ISY1: variants seen among roughly 807,000 people sequenced by gnomAD.
ISY1 encodes ISY1 spliceosome associated protein, also known as pre-mRNA-splicing factor ISY1 homolog.
Under a neutral mutation model 54.4 loss-of-function variants are expected in ISY1, and 12 were observed. The observed-to-expected ratio is 0.22, with a 90% CI of 0.14 to 0.36. The LOEUF (loss-of-function observed/expected upper bound fraction) is 0.36, where lower values mean the gene tolerates loss of function less well. Among genes scored for constraint, ISY1 ranks in the 10% least tolerant of loss-of-function variants. The pLI is 1.00. For missense variants in ISY1, 282 were observed against 342.2 expected (o/e 0.82, Z 1.39); for synonymous variants, 96 against 117.9 (o/e 0.81, Z 1.20).
chr3:129,142,501 G>C (rs1213369119), intron 6 of ISY1, among the ~76,000 whole-genome samples: 1 of 152,120 alleles, frequency 6.6e-6, no homozygotes, highest in South Asian at 2.1e-4. Flanking sequence ...GGTACACAAA[G>C]AAAATAAAGC....
chr3:129,157,503 G>A (rs1027984382), intron 3 of ISY1, among the ~76,000 whole-genome samples: 7 of 152,080 alleles, frequency 4.6e-5, no homozygotes, highest in Non-Finnish European at 8.8e-5. Flanking sequence ...CAGATTGCCT[G>A]AGGCCTGGAG....
In ISY1 at chr3:129,134,051, CCA is replaced by C. The variant is rs760557661; in HGVS notation, c.663+21_663+22del. 6.2e-6 allele frequency: 10 copies of C among 1,613,324 alleles called. No individual in the cohort carries two copies. In the South Asian group the frequency reaches 9.9e-5, roughly 16 times the overall value. On this transcript the variant is annotated intron_variant, in intron 9 of 10. Transcript: ENST00000393295. ...GGCTTGGAACAGATGGCAGTGAGTGCCAGAGGGGGCCAACCCCAATACCTCCT... is the reference window on the plus strand; with the variant it reads ...GGCTTGGAACAGATGGCAGTGAGTGCGAGGGGGCCAACCCCAATACCTCCT...
intron 5 of ISY1, among the ~76,000 whole-genome samples, chr3:129,148,970 C>G (rs1034832884): frequency 6.6e-6 from 1 of 152,138 alleles, no homozygotes; most frequent in South Asian, 2.1e-4. Flanking sequence ...TTTGTCATCC[C>G]CTTCTCCATT....
At chr3:129,130,788 A>T (rs929010633) in intron 9 of ISY1, 152 bp from the exon 10 acceptor site, 35 of 788,734 alleles carry the variant, frequency 4.4e-5, no homozygotes, top group Non-Finnish European at 6.7e-5. Context: ...CACAAGATTA[A>T]GTAAAAAAAG....
At position 129,134,818 on chromosome 3, in the gene ISY1, G is replaced by A. The variant is rs145761883; in HGVS notation, c.541+14C>T. 1,168 of 1,599,514 alleles carry A rather than the reference G, an allele frequency of 7.3e-4. 13 individuals are homozygous for A. In the African/African-American group the frequency reaches 0.014, roughly 19 times the overall value. ...GATGCCATCTATTATGAAATAAAAT[G>A]CCCAGAGACCTACGTTTCTTTTCAT... is the stretch of plus-strand genomic sequence containing the variant. On this transcript the variant is annotated intron_variant, in intron 8 of 10. Coordinates refer to ENST00000393295, the MANE Select transcript of ISY1 (RefSeq NM_020701.4).
intron 6 of ISY1, among the ~76,000 whole-genome samples, chr3:129,145,290 T>C (rs1936735249): frequency 6.6e-6 from 1 of 151,618 alleles, no homozygotes; most frequent in African/African-American, 2.4e-5. Flanking sequence ...AGTGGCGATC[T>C]TGGCTCACTG....
chr3:129,143,801 T>C (rs1377918960), intron 6 of ISY1, among the ~76,000 whole-genome samples: 1 of 152,008 alleles, frequency 6.6e-6, no homozygotes, highest in Non-Finnish European at 1.5e-5. Flanking sequence ...ATGGTTTCAA[T>C]TATGACATTC....
chr3:129,136,456 A>G (rs938623786), intron 7 of ISY1, among the ~76,000 whole-genome samples: 7 of 152,120 alleles, frequency 4.6e-5, no homozygotes, highest in Non-Finnish European at 8.8e-5. Flanking sequence ...TGGTGAAAGA[A>G]TAAAAGCTGG....
chr3:129,142,136 C>T (rs765753855), intron 6 of ISY1, among the ~76,000 whole-genome samples: 21 of 145,664 alleles, frequency 1.4e-4, no homozygotes, highest in Non-Finnish European at 2.4e-4. Context: ...ACCTGGGAGG[C>T]GGAGGTTAGG....
chr3:129,134,296 C>T, intron 8 of ISY1, 101 bp from the exon 9 acceptor site: 1 of 1,565,828 alleles, frequency 6.4e-7, no homozygotes, highest in Middle Eastern at 1.7e-4. Context: ...TCTAGACATC[C>T]CCTCTAGAAA....
intron 9 of ISY1, among the ~76,000 whole-genome samples, chr3:129,132,438 G>T (rs1936262739): frequency 2.0e-5 from 3 of 152,136 alleles, no homozygotes; most frequent in Admixed American, 2.0e-4. Context: ...CCCACTCTCT[G>T]CACTCCAGCA....
intron 5 of ISY1, among the ~76,000 whole-genome samples, chr3:129,153,587 T>C (rs1414519945): frequency 6.6e-6 from 1 of 150,954 alleles, no homozygotes; most frequent in Non-Finnish European, 1.5e-5. Flanking sequence ...ATCGAGACCA[T>C]CCTGGCTAAC....
intron 5 of ISY1, among the ~76,000 whole-genome samples, chr3:129,155,519 C>T (rs1937109624): frequency 6.6e-6 from 1 of 151,928 alleles, no homozygotes; most frequent in African/African-American, 2.4e-5. Context: ...TATCTAAGCA[C>T]TATATCCCAT....
At position 129,128,053 on chromosome 3, in the gene ISY1, A is replaced by T. The variant is rs1936138274; in HGVS notation, c.*2028T>A. The T allele has an allele frequency of 6.6e-6, 1 of 152,172 alleles. No homozygotes were observed. Among genetic ancestry groups the T allele is most frequent in the Non-Finnish European group, 1.5e-5 (1 of 68,162 alleles). 9.4% of individuals were successfully genotyped at this position (152,172 alleles called of 1,614,324 possible). ...AGGGCCCTCTGAGGCCTCTGCCCAA[A>T]CCACAGGACTGCCCAGACCCCAGAG... On this transcript the variant is annotated 3_prime_UTR_variant, in exon 11 of 11. Coordinates refer to ENST00000393295, the MANE Select transcript of ISY1 (RefSeq NM_020701.4).
At chr3:129,151,017 C>T (rs1006853818) in intron 5 of ISY1, among the ~76,000 whole-genome samples, 2 of 150,862 alleles carry the variant, frequency 1.3e-5, no homozygotes, top group Non-Finnish European at 2.9e-5. Context: ...CCCAGCTACT[C>T]GAGAGGCTGA....
chr3:129,135,556 C>T lies in ISY1; in HGVS notation c.419-602G>A, dbSNP rs541179263. ...CGAGGCGGGAGAATCACGAGGTCAG[C>T]AGTTCAAGACCAGCGTGGCCAATAT... On this transcript the variant is annotated intron_variant, in intron 7 of 10. Coordinates refer to ENST00000393295, the MANE Select transcript of ISY1 (RefSeq NM_020701.4). Among the ~76,000 whole-genome samples, 155 of 151,848 alleles carry T rather than the reference C, an allele frequency of 1.0e-3. 1 individual carries two copies. The highest frequency in any genetic ancestry group is 6.9e-3 in the Middle Eastern group (2 of 290).
At chr3:129,146,630 G>A (rs955237799) in intron 5 of ISY1, among the ~76,000 whole-genome samples, 2 of 152,166 alleles carry the variant, frequency 1.3e-5, no homozygotes, top group African/African-American at 2.4e-5. Flanking sequence ...AGGACTTCTA[G>A]GGGTGATGGA....
chr3:129,145,914 G>A (rs1560018859), intron 5 of ISY1, 41 bp from the exon 6 acceptor site: 1 of 1,595,350 alleles, frequency 6.3e-7, no homozygotes, highest in East Asian at 2.2e-5. Context: ...CCATAAAAAT[G>A]AATGTCAACA....
At chr3:129,160,925 C>T (rs780563605) in intron 1 of ISY1, 48 bp downstream of exon 1, 67 of 419,582 alleles carry the variant, frequency 1.6e-4, no homozygotes, top group Non-Finnish European at 3.0e-4. Flanking sequence ...GGCGCCCCCC[C>T]GCCCGCCCGC....
Sources: gnomAD v4.1 joint callset for allele counts (sites outside exome capture counted in the v4.1 genomes callset) on GRCh38, gnomAD v4.1.1 for gene constraint, MANE v1.5 for transcripts, NCBI Gene and HGNC (gene_info 2026-07-23, HGNC 2026-07-21) for gene names.